The following ARSJ variants were observed in gnomAD, a reference collection of about 807,000 sequenced individuals.
ARSJ encodes the protein arylsulfatase J.
In ARSJ, 26 loss-of-function variants were observed where a neutral mutation model predicts 35.9. The ratio of observed to expected loss-of-function variants is 0.72; its 90% CI spans 0.53 to 1.00. The LOEUF is 1.00. Ranked by LOEUF, ARSJ falls within the 50% of genes least tolerant of loss-of-function variation. The pLI, the probability that ARSJ is intolerant of heterozygous loss-of-function variation, is 0.00. For missense variants in ARSJ, 667 were observed against 723.6 expected (o/e 0.92, Z 0.90); for synonymous variants, 294 against 267.6 (o/e 1.10, Z -0.96).
chr4:113,911,963 A>G (rs1722936389), intron 1 of ARSJ, among the ~76,000 whole-genome samples: 1 of 152,212 alleles, frequency 6.6e-6, no homozygotes, highest in African/African-American at 2.4e-5. Flanking sequence ...TTAAAAGAAA[A>G]GAGTGGTGTG....
chr4:113,961,102 A>G (rs529962003), intron 1 of ARSJ, among the ~76,000 whole-genome samples: 85 of 152,164 alleles, frequency 5.6e-4, no homozygotes, highest in African/African-American at 1.9e-3. Flanking sequence ...GAGAGAGACT[A>G]CAGTGCAGAT....
chr4:113,902,302 G>C lies in ARSJ; in HGVS notation c.1772C>G (p.Thr591Ser), dbSNP rs368757746. Residue 591 changes from threonine to serine, a missense_variant, in exon 2 of 2, where the codon ACT becomes AGT. Physicochemically the swap from Thr to Ser is moderately conservative, Grantham distance 58 (BLOSUM62 1). Coordinates refer to ENST00000315366, the MANE Select transcript of ARSJ (RefSeq NM_024590.4). Reference sequence around the variant, plus strand: ...TCCACAAGTAACACCTGAATGGCAAGTTGAACCTGAGACTGCTTTCTGCTG... The same window carrying C: ...TCCACAAGTAACACCTGAATGGCAACTTGAACCTGAGACTGCTTTCTGCTG... ...KKQQKAVSGS[T>S]CHSGVTCG 74 of 1,612,214 alleles carry C rather than the reference G, an allele frequency of 4.6e-5. 1 individual carries two copies. The African/African-American group carries it at 8.0e-4, about 17-fold the overall frequency.
At chr4:113,978,322 T>G (rs1011082248) in intron 1 of ARSJ, 115 bp downstream of exon 1, 31 of 959,484 alleles carry the variant, frequency 3.2e-5, no homozygotes, top group Non-Finnish European at 4.6e-5. Flanking sequence ...CATTCATTCT[T>G]CATTCATTCA....
chr4:113,975,243 A>C (rs1727520741), intron 1 of ARSJ, among the ~76,000 whole-genome samples: 1 of 152,182 alleles, frequency 6.6e-6, no homozygotes. Context: ...TTTCCTTCAC[A>C]TTTGTTAACA....
chr4:113,961,400 T>A (rs11098218), intron 1 of ARSJ, among the ~76,000 whole-genome samples: 1 of 152,104 alleles, frequency 6.6e-6, no homozygotes, highest in African/African-American at 2.4e-5. Context: ...TGGGCTAACA[T>A]GTTACATCAG....
intron 1 of ARSJ, among the ~76,000 whole-genome samples, chr4:113,966,324 G>T (rs1726890108): frequency 6.8e-6 from 1 of 147,228 alleles, no homozygotes; most frequent in African/African-American, 2.5e-5. Context: ...ACTCATTTAT[G>T]TGATGGTAGA....
At chr4:113,956,186 C>T (rs953982556) in intron 1 of ARSJ, among the ~76,000 whole-genome samples, 1 of 151,732 alleles carries the variant, frequency 6.6e-6, no homozygotes, top group East Asian at 1.9e-4. Flanking sequence ...ATTTTGAAAG[C>T]GAAAGCAAGC....
At position 113,901,903 on chromosome 4, in the gene ARSJ, G is replaced by A. The variant is rs1252327845; in HGVS notation, c.*371C>T. 1 of 116,838 alleles carries A rather than the reference G, an allele frequency of 8.6e-6. No homozygotes were observed. Among genetic ancestry groups the A allele is most frequent in the Non-Finnish European group, 2.0e-5 (1 of 50,014 alleles). The allele number at this position is 116,838 out of a possible 1,614,324, so 7.2% of individuals were successfully genotyped here. ...AGCATGCTTGCGGATGGTATACCCT[G>A]TAACTTCCATCAAATTAGCATGCTT... On this transcript the variant is annotated 3_prime_UTR_variant, in exon 2 of 2. Coordinates refer to ENST00000315366, the MANE Select transcript of ARSJ (RefSeq NM_024590.4).
intron 1 of ARSJ, among the ~76,000 whole-genome samples, chr4:113,977,275 TTTCTC>T (rs1727644534): frequency 6.6e-6 from 1 of 152,214 alleles, no homozygotes; most frequent in Non-Finnish European, 1.5e-5. Context: ...CAGTGAGACT[TTTCTC>T]ATTCTCAGGA....
At chr4:113,950,044 G>C (rs187267478) in intron 1 of ARSJ, among the ~76,000 whole-genome samples, 8 of 152,142 alleles carry the variant, frequency 5.3e-5, no homozygotes, top group Admixed American at 2.0e-4. Flanking sequence ...CCAGGCTCTG[G>C]GGGTTCATAG....
At chr4:113,951,558 C>T (rs1184533346) in intron 1 of ARSJ, among the ~76,000 whole-genome samples, 2 of 152,084 alleles carry the variant, frequency 1.3e-5, no homozygotes, top group African/African-American at 4.8e-5. Flanking sequence ...TGTTGGCACA[C>T]GGTGAACTTG....
intron 1 of ARSJ, among the ~76,000 whole-genome samples, chr4:113,933,158 T>C (rs957239000): frequency 9.9e-5 from 15 of 151,702 alleles, no homozygotes; most frequent in African/African-American, 2.9e-4. Context: ...AATAGAACCA[T>C]GAAGAAACAG....
rs1438394751 is a variant in ARSJ at position 113,979,105 on chromosome 4, A to G, written c.-271T>C. 1.4e-5 allele frequency: 3 copies of G among 208,488 alleles called. No homozygotes were observed. Among genetic ancestry groups the G allele is most frequent in the Non-Finnish European group, 2.7e-5 (3 of 110,776 alleles). 12.9% of individuals were successfully genotyped at this position (208,488 alleles called of 1,614,324 possible). ...CTCCCTAGAGCAGCTTCCACCAAGGAAAAAAAAAAGAAAAAAGTTAATATC... is the reference window on the plus strand; with the variant it reads ...CTCCCTAGAGCAGCTTCCACCAAGGGAAAAAAAAAGAAAAAAGTTAATATC... On this transcript the variant is annotated 5_prime_UTR_variant, in exon 1 of 2. Transcript: ENST00000315366.
chr4:113,909,352 C>A (rs35036895), intron 1 of ARSJ, among the ~76,000 whole-genome samples: 71,611 of 151,938 alleles, frequency 0.47, 19,310 homozygotes, highest in Middle Eastern at 0.63. Flanking sequence ...GCTAGATAAG[C>A]ATTTGCCAAG....
At chr4:113,925,986 C>T (rs1724034211) in intron 1 of ARSJ, among the ~76,000 whole-genome samples, 1 of 152,102 alleles carries the variant, frequency 6.6e-6, no homozygotes. Context: ...TAACCTCCAT[C>T]CCTGCCACCA....
At chr4:113,929,402 A>G (rs1032856156) in intron 1 of ARSJ, among the ~76,000 whole-genome samples, 2 of 152,042 alleles carry the variant, frequency 1.3e-5, no homozygotes, top group African/African-American at 4.8e-5. Context: ...TCCTCAGACA[A>G]AGGTGGAAAG....
intron 1 of ARSJ, among the ~76,000 whole-genome samples, chr4:113,976,911 G>T (rs926752558): frequency 6.6e-6 from 1 of 152,132 alleles, no homozygotes; most frequent in Non-Finnish European, 1.5e-5. Context: ...CCTACATATT[G>T]TTTCAGTGCA....
intron 1 of ARSJ, among the ~76,000 whole-genome samples, chr4:113,934,854 G>A (rs901337274): frequency 2.0e-5 from 3 of 151,780 alleles, no homozygotes; most frequent in African/African-American, 4.8e-5. Context: ...ATTTAAAATC[G>A]TGTATTCTAA....
At chr4:113,924,078 T>A (rs13137259) in intron 1 of ARSJ, among the ~76,000 whole-genome samples, 101,876 of 124,202 alleles carry the variant, frequency 0.82, 40,647 homozygotes, top group Middle Eastern at 0.89. Flanking sequence ...TATATATAAA[T>A]ATATATATAT....
Sources: allele counts gnomAD v4.1 joint callset (sites outside exome capture counted in the v4.1 genomes callset), GRCh38; gene constraint gnomAD v4.1.1; transcripts MANE v1.5; gene names NCBI Gene and HGNC (gene_info 2026-07-23, HGNC 2026-07-21).